Variants in CACNA2D3 observed in about 807,000 individuals in gnomAD.
The protein encoded by CACNA2D3 is calcium voltage-gated channel auxiliary subunit alpha2delta 3.
A neutral mutation model predicts 160.6 loss-of-function variants in CACNA2D3; 60 were observed. The ratio of observed to expected loss-of-function variants is 0.37; its 90% CI spans 0.30 to 0.46. The LOEUF is 0.46. Among genes scored for constraint, CACNA2D3 ranks in the 20% least tolerant of loss-of-function variants. CACNA2D3 has a pLI of 1.00. For missense variants in CACNA2D3, 1,205 were observed against 1,365.0 expected (o/e 0.88, Z 1.85); for synonymous variants, 558 against 492.9 (o/e 1.13, Z -1.75).
At chr3:54,563,959 C>T (rs529722185) in intron 6 of CACNA2D3, among the ~76,000 whole-genome samples, 27 of 152,276 alleles carry the variant, frequency 1.8e-4, no homozygotes, top group African/African-American at 6.5e-4. Flanking sequence ...TGCTTCCTCC[C>T]GGAGCTCACA....
intron 4 of CACNA2D3, among the ~76,000 whole-genome samples, chr3:54,387,541 ACTT>A (rs1292077152): frequency 6.6e-6 from 1 of 152,176 alleles, no homozygotes; most frequent in Non-Finnish European, 1.5e-5. Flanking sequence ...AATCCCAGCT[ACTT>A]GGGAAACTGA....
intron 17 of CACNA2D3, among the ~76,000 whole-genome samples, chr3:54,862,356 C>T (rs1334464853): frequency 6.7e-6 from 1 of 149,188 alleles, no homozygotes; most frequent in Non-Finnish European, 1.5e-5. Context: ...GCTATTAAAC[C>T]AAGCATCTCC....
At chr3:54,515,555 G>A (rs553222900) in intron 5 of CACNA2D3, among the ~76,000 whole-genome samples, 73 of 152,316 alleles carry the variant, frequency 4.8e-4, no homozygotes, top group South Asian at 1.0e-3. Context: ...GTAGCAGAAC[G>A]CCCAAGTAAG....
intron 27 of CACNA2D3, among the ~76,000 whole-genome samples, chr3:54,953,767 G>A (rs1396602317): frequency 2.6e-5 from 4 of 152,114 alleles, no homozygotes; most frequent in Non-Finnish European, 5.9e-5. Flanking sequence ...ACAGGCTGTG[G>A]GAATCACTGG....
intron 2 of CACNA2D3, among the ~76,000 whole-genome samples, chr3:54,249,055 A>AGTATTTAAGTTACGG (rs1163479983): frequency 6.6e-6 from 1 of 152,208 alleles, no homozygotes; most frequent in African/African-American, 2.4e-5. Flanking sequence ...TTTATATCAT[A>AGTATTTAAGTTACGG]GTATTTAAGT....
At chr3:54,226,159 G>A (rs1369730050) in intron 2 of CACNA2D3, among the ~76,000 whole-genome samples, 1 of 152,062 alleles carries the variant, frequency 6.6e-6, no homozygotes, top group Non-Finnish European at 1.5e-5. Context: ...GTCTGTTTCG[G>A]TTTTCTGCCT....
chr3:55,072,719 A>G (rs1011308498), intron 35 of CACNA2D3, among the ~76,000 whole-genome samples: 2 of 152,106 alleles, frequency 1.3e-5, no homozygotes, highest in African/African-American at 4.8e-5. Flanking sequence ...GTGTTTGTTA[A>G]AGGATTATTT....
At chr3:54,752,404 G>A (rs954353513) in intron 11 of CACNA2D3, among the ~76,000 whole-genome samples, 195 bp from the exon 12 acceptor site, 3 of 152,124 alleles carry the variant, frequency 2.0e-5, no homozygotes, top group African/African-American at 7.2e-5. Flanking sequence ...AGTGCCATAT[G>A]GTTTAAAAGA....
intron 2 of CACNA2D3, among the ~76,000 whole-genome samples, chr3:54,301,339 C>G (rs1255559191): frequency 6.6e-6 from 1 of 151,738 alleles, no homozygotes; most frequent in East Asian, 1.9e-4. Flanking sequence ...CGGCTCACAC[C>G]TGTAGTCCCA....
intron 3 of CACNA2D3, among the ~76,000 whole-genome samples, chr3:54,363,058 G>A (rs1189786744): frequency 6.6e-6 from 1 of 152,064 alleles, no homozygotes; most frequent in Admixed American, 6.6e-5. Flanking sequence ...AGCCAGGTGT[G>A]GTGGTGTGCG....
chr3:54,730,209 C>CATA (rs1701360762), intron 11 of CACNA2D3, among the ~76,000 whole-genome samples: 2 of 152,118 alleles, frequency 1.3e-5, no homozygotes, highest in Admixed American at 1.3e-4. Flanking sequence ...GTTCTTAGAG[C>CATA]ATAGTAATGA....
At chr3:54,982,586 T>A (rs1702530291) in intron 29 of CACNA2D3, among the ~76,000 whole-genome samples, 1 of 152,094 alleles carries the variant, frequency 6.6e-6, no homozygotes, top group African/African-American at 2.4e-5. Context: ...TTCTTGGATC[T>A]CATGTAAGAA....
At chr3:54,937,539 G>A (rs897926220) in intron 27 of CACNA2D3, among the ~76,000 whole-genome samples, 10 of 152,210 alleles carry the variant, frequency 6.6e-5, no homozygotes, top group South Asian at 2.1e-4. Flanking sequence ...GTTCAAACTC[G>A]TGTTGTGCAA....
chr3:54,860,087 T>C (rs962727357), intron 17 of CACNA2D3, among the ~76,000 whole-genome samples: 10 of 151,570 alleles, frequency 6.6e-5, no homozygotes, highest in Admixed American at 4.6e-4. Flanking sequence ...TGGATTTAAA[T>C]TGGGACTGAG....
chr3:55,067,556 G>A (rs1275835842), intron 35 of CACNA2D3, among the ~76,000 whole-genome samples: 1 of 152,174 alleles, frequency 6.6e-6, no homozygotes, highest in Non-Finnish European at 1.5e-5. Flanking sequence ...GTTTTAAGAA[G>A]ACATTAATAC....
At chr3:54,720,336 A>T (rs1392889855) in intron 11 of CACNA2D3, among the ~76,000 whole-genome samples, 1 of 151,858 alleles carries the variant, frequency 6.6e-6, no homozygotes, top group Non-Finnish European at 1.5e-5. Context: ...AACTCAAACT[A>T]TTTTCTAATT....
intron 27 of CACNA2D3, among the ~76,000 whole-genome samples, chr3:54,955,106 C>T (rs1005193963): frequency 6.6e-6 from 1 of 152,078 alleles, no homozygotes; most frequent in Non-Finnish European, 1.5e-5. Flanking sequence ...TTCGAACGTA[C>T]GTAACATGGG....
intron 4 of CACNA2D3, among the ~76,000 whole-genome samples, chr3:54,463,368 T>G (rs189322640): frequency 3.3e-5 from 5 of 152,320 alleles, no homozygotes; most frequent in South Asian, 2.1e-4. Context: ...TCCTGCAGAG[T>G]GTTTTCCAAC....
Position 54,880,829 on chromosome 3 carries a change from A to G in CACNA2D3, c.1878A>G (p.Lys626=), listed in dbSNP as rs1250752361. The G allele has an allele frequency of 5.0e-6, 8 of 1,613,792 alleles. No individual in the cohort carries two copies. Among genetic ancestry groups the G allele is most frequent in the Admixed American group, 1.7e-5 (1 of 60,010 alleles). The change falls in exon 21 of 38, where the codon AAA becomes AAG. Residue 626 remains lysine, a synonymous_variant. Transcript: ENST00000474759. The part of the protein sequence containing the change: ...LGVALSRGHG[K]YFFRGNVTIE... ...TGGCGCTTTCCAGAGGTCATGGGAA[A>G]TATTTCTTCCGAGGGAATGTAACCA...
Sources: gnomAD v4.1 joint callset for allele counts (sites outside exome capture counted in the v4.1 genomes callset) on GRCh38, gnomAD v4.1.1 for gene constraint, MANE v1.5 for transcripts, NCBI Gene and HGNC (gene_info 2026-07-23, HGNC 2026-07-21) for gene names.